Variants in KCNJ5 observed in about 807,000 individuals in gnomAD.
KCNJ5 encodes potassium inwardly rectifying channel subfamily J member 5.
In KCNJ5, 12 loss-of-function variants were observed where a neutral mutation model predicts 20.2. The observed-to-expected ratio is 0.59, with a 90% CI of 0.38 to 0.96. The LOEUF (loss-of-function observed/expected upper bound fraction) is 0.96, where lower values mean the gene tolerates loss of function less well. Among genes scored for constraint, KCNJ5 ranks in the 40% least tolerant of loss-of-function variants. The pLI, the probability that KCNJ5 is intolerant of heterozygous loss-of-function variation, is 0.00. For missense variants in KCNJ5, 449 were observed against 557.6 expected, an observed-to-expected ratio of 0.81 and a Z score of 1.96; for synonymous variants, 210 against 213.9, an observed-to-expected ratio of 0.98 and a Z score of 0.16.
intron 1 of KCNJ5, among the ~76,000 whole-genome samples, chr11:128,906,911 AT>A (rs1001424898): frequency 6.6e-6 from 1 of 152,102 alleles, no homozygotes; most frequent in African/African-American, 2.4e-5. Context: ...GTGTGTTGGA[AT>A]TCTGCCTACT....
In KCNJ5 at chr11:128,916,405, C is replaced by T. The variant is rs753186315; in HGVS notation, c.938-4C>T. 8.1e-6 allele frequency: 13 copies of T among 1,613,102 alleles called. No homozygotes were observed. Among genetic ancestry groups the T allele is most frequent in the Non-Finnish European group, 1.1e-5 (13 of 1,179,190 alleles). ...CATAATGCATGTAACTTCCGTTTCC[C>T]CAGGCATGACCTGCCAAGCCCGGAG... On this transcript the variant is annotated splice_polypyrimidine_tract_variant and splice_region_variant and intron_variant, in intron 2 of 2. Coordinates refer to ENST00000529694, the MANE Select transcript of KCNJ5 (RefSeq NM_000890.5).
chr11:128,914,961 AGG>A (rs1944556162), intron 2 of KCNJ5, among the ~76,000 whole-genome samples: 2 of 152,214 alleles, frequency 1.3e-5, no homozygotes, highest in African/African-American at 2.4e-5. Context: ...TAACGACTGA[AGG>A]GAGAGGCCCG....
intron 1 of KCNJ5, among the ~76,000 whole-genome samples, chr11:128,891,983 G>A (rs1231122155): frequency 6.6e-6 from 1 of 152,256 alleles, no homozygotes; most frequent in African/African-American, 2.4e-5. Context: ...GGCTACCTGG[G>A]GGTGCCCCAG....
chr11:128,892,753 C>G (rs1944114665), intron 1 of KCNJ5, among the ~76,000 whole-genome samples: 1 of 152,152 alleles, frequency 6.6e-6, no homozygotes, highest in East Asian at 1.9e-4. Flanking sequence ...GTTTATCGGG[C>G]TTTCTGGTTC....
At position 128,916,699 on chromosome 11, in the gene KCNJ5, G is replaced by A. The variant is rs974471299; in HGVS notation, c.1228G>A (p.Gly410Ser). Reference protein sequence around the residue: ...QNEEDEPKGLGGSREARGSV With the variant: ...QNEEDEPKGLSGSREARGSV ...TGAAGAAGATGAGCCCAAGGGGCTGGGTGGGTCCAGGGAGGCCAGGGGCTC... is the reference window on the plus strand; with the variant it reads ...TGAAGAAGATGAGCCCAAGGGGCTGAGTGGGTCCAGGGAGGCCAGGGGCTC... The change falls in exon 3 of 3, where the codon GGT becomes AGT. Residue 410 changes from glycine (G) to serine (S), a missense_variant. Coordinates refer to ENST00000529694, the MANE Select transcript of KCNJ5 (RefSeq NM_000890.5). The A allele has an allele frequency of 1.9e-6, 3 of 1,609,130 alleles. No individual in the cohort carries two copies. Among genetic ancestry groups the A allele is most frequent in the Non-Finnish European group, 2.5e-6 (3 of 1,178,100 alleles).
At chr11:128,916,325 G>A in intron 2 of KCNJ5, 84 bp from the exon 3 acceptor site, 4 of 1,026,332 alleles carry the variant, frequency 3.9e-6, no homozygotes, top group South Asian at 2.6e-5. Context: ...TGGATGGATG[G>A]ATGGATTGAT....
Position 128,911,278 on chromosome 11 carries a change from C to G in KCNJ5, c.5C>G (p.Ala2Gly). Reference sequence around the variant, plus strand: ...TTAACTCAAAGCATCCCAGCTATGGCTGGCGATTCTAGGAATGCCATGAAC... The same window carrying G: ...TTAACTCAAAGCATCCCAGCTATGGGTGGCGATTCTAGGAATGCCATGAAC... MAGDSRNAMNQD... is the reference protein window; with the variant it reads MGGDSRNAMNQD... Residue 2 changes from alanine to glycine, a missense_variant, in exon 2 of 3, where the codon GCT (alanine) becomes GGT (glycine). Physicochemically the swap from Ala to Gly is moderately conservative, Grantham distance 60. Transcript: ENST00000529694. The surrounding 1 kb of genome is among the most constrained non-coding windows in gnomAD (Gnocchi z 6.3). The G allele has an allele frequency of 1.2e-6, 2 of 1,613,798 alleles. No homozygotes were observed. The highest frequency in any genetic ancestry group is 1.7e-6 in the Non-Finnish European group (2 of 1,179,824).
At chr11:128,903,379 C>T (rs753510788) in intron 1 of KCNJ5, 8 of 1,614,174 alleles carry the variant, frequency 5.0e-6, no homozygotes, top group Non-Finnish European at 6.8e-6. Flanking sequence ...CACACAGCCA[C>T]AGCCGTGGGT....
Position 128,902,302 on chromosome 11 carries a change from TC to T in KCNJ5, c.-10-8960del, listed in dbSNP as rs1167593986. ...GCCACCTGATCCGCCCTCCTGTCCC[TC>T]CAGCCCTCCTCTGGAAGGACTCAGC... On this transcript the variant is annotated intron_variant, in intron 1 of 2. Coordinates refer to ENST00000529694, the MANE Select transcript of KCNJ5 (RefSeq NM_000890.5). 2.7e-5 allele frequency: 15 copies of T among 559,594 alleles called. No individual in the cohort carries two copies. In the East Asian group the frequency reaches 4.7e-4, roughly 18 times the overall value. The allele number at this position is 559,594 out of a possible 1,614,324, so 34.7% of individuals were successfully genotyped here.
intron 1 of KCNJ5, chr11:128,902,315 T>G: frequency 1.7e-6 from 1 of 582,564 alleles, no homozygotes; most frequent in East Asian, 3.0e-5. Context: ...AGCCCTCCTC[T>G]GGAAGGACTC....
rs200064599 is a variant in KCNJ5 at position 128,911,388 on chromosome 11, C to A, written c.115C>A (p.Arg39Ser). ...ARDYVPIATD[R>S]TRLLAEGKKP... ...CGATTATGTCCCCATTGCCACAGACCGTACGCGCCTGCTGGCCGAGGGCAA... is the reference window on the plus strand; with the variant it reads ...CGATTATGTCCCCATTGCCACAGACAGTACGCGCCTGCTGGCCGAGGGCAA... Residue 39 changes from arginine to serine, a missense_variant, in exon 2 of 3, where the codon CGT (arginine) becomes AGT (serine). Coordinates refer to ENST00000529694, the MANE Select transcript of KCNJ5 (RefSeq NM_000890.5). This position sits in a 1 kb window ranked among gnomAD's most constrained non-coding sequence, Gnocchi z 6.3. 6.2e-7 allele frequency: 1 copy of A among 1,614,202 alleles called. No homozygotes were observed.
At chr11:128,910,803 T>A (rs1298496018) in intron 1 of KCNJ5, among the ~76,000 whole-genome samples, 1 of 152,218 alleles carries the variant, frequency 6.6e-6, no homozygotes, top group Non-Finnish European at 1.5e-5. Context: ...CTGTTTGAAT[T>A]AAGCCTGATT....
intron 2 of KCNJ5, among the ~76,000 whole-genome samples, chr11:128,915,092 A>C (rs1319919827): frequency 6.6e-6 from 1 of 152,260 alleles, no homozygotes; most frequent in Non-Finnish European, 1.5e-5. Flanking sequence ...TCCCAGAGAA[A>C]GCCCAAAGTG....
rs757420915 is a variant in KCNJ5 at position 128,911,996 on chromosome 11, C to A, written c.723C>A (p.Ser241=). ...EASIRAKLIK[S]RQTKEGEFIP... ...CCATCCGGGCCAAGCTCATCAAGTCCCGGCAGACCAAAGAGGGGGAGTTCA... is the reference window on the plus strand; with the variant it reads ...CCATCCGGGCCAAGCTCATCAAGTCACGGCAGACCAAAGAGGGGGAGTTCA... Residue 241 remains serine, a synonymous_variant, in exon 2 of 3, where the codon TCC becomes TCA. Coordinates refer to ENST00000529694, the MANE Select transcript of KCNJ5 (RefSeq NM_000890.5). This position sits in a 1 kb window ranked among gnomAD's most constrained non-coding sequence, Gnocchi z 6.3. 5.0e-6 allele frequency: 8 copies of A among 1,607,986 alleles called. No homozygotes were observed. The highest frequency in any genetic ancestry group is 3.3e-5 in the Admixed American group (2 of 59,798).
rs540116782 is a variant in KCNJ5, at chr11:128,907,298, G to T, written c.-10-3966G>T. ...CCCAAGCCAGTGGTCTCTCCAGGAA[G>T]CCCTGCTGACCCCCAAGCAAGGCTC... On this transcript the variant is annotated intron_variant, in intron 1 of 2. Transcript: ENST00000529694. Among the ~76,000 whole-genome samples the T allele has an allele frequency of 9.7e-4, 147 of 152,284 alleles. 1 individual carries two copies. The highest frequency in any genetic ancestry group is 4.8e-3 in the South Asian group (23 of 4,828).
intron 1 of KCNJ5, chr11:128,902,518 G>T: frequency 6.4e-7 from 1 of 1,564,934 alleles, no homozygotes; most frequent in Non-Finnish European, 8.7e-7. Flanking sequence ...CATGGGGGAG[G>T]GGGCTGGGGA....
At chr11:128,895,391 C>CCA (rs1555142490) in intron 1 of KCNJ5, among the ~76,000 whole-genome samples, 13 of 149,724 alleles carry the variant, frequency 8.7e-5, no homozygotes, top group African/African-American at 2.7e-4. Flanking sequence ...CACCCCCCCC[C>CCA]CAACCCCAGG....
chr11:128,892,833 A>G (rs1056618715), intron 1 of KCNJ5, among the ~76,000 whole-genome samples: 3 of 152,232 alleles, frequency 2.0e-5, no homozygotes, highest in Non-Finnish European at 2.9e-5. Flanking sequence ...ATATACGTTT[A>G]CATGAGTTCA....
At position 128,911,754 on chromosome 11, in the gene KCNJ5, T is replaced by C. The variant is rs756939844; in HGVS notation, c.481T>C (p.Cys161Arg). ...GYGFRVITEKCPEGIILLLVQ... is the reference protein window; with the variant it reads ...GYGFRVITEKRPEGIILLLVQ... ...TGGCTTCCGAGTCATCACAGAGAAG[T>C]GTCCAGAGGGGATTATACTCCTCTT... Residue 161 changes from cysteine to arginine, a missense_variant, in exon 2 of 3, where the codon TGT becomes CGT. Physicochemically the swap from Cys to Arg is radical, Grantham distance 180. Around this residue, in one of 5 missense-constraint regions of KCNJ5, gnomAD observed 203 missense variants for 258.0 expected, o/e 0.79. Coordinates refer to ENST00000529694, the MANE Select transcript of KCNJ5 (RefSeq NM_000890.5). The surrounding 1 kb of genome is among the most constrained non-coding windows in gnomAD (Gnocchi z 6.3). 6.2e-7 allele frequency: 1 copy of C among 1,614,122 alleles called. No individual in the cohort carries two copies. Among genetic ancestry groups the C allele is most frequent in the South Asian group, 1.1e-5 (1 of 91,068 alleles).
Sources: allele counts gnomAD v4.1 joint callset (sites outside exome capture counted in the v4.1 genomes callset), GRCh38; gene constraint gnomAD v4.1.1; regional missense constraint gnomAD v4.1.1; non-coding constraint Gnocchi (gnomAD v3.1); transcripts MANE v1.5; gene names NCBI Gene and HGNC (gene_info 2026-07-23, HGNC 2026-07-21).